The following PRKAR2A variants were observed in gnomAD, a reference collection of about 807,000 sequenced individuals.
PRKAR2A encodes the protein protein kinase cAMP-dependent type II regulatory subunit alpha.
PRKAR2A carries 29 observed loss-of-function variants against 51.9 expected under a neutral mutation model. The ratio of observed to expected loss-of-function variants is 0.56; its 90% confidence interval spans 0.42 to 0.76. PRKAR2A has a LOEUF of 0.76. Among genes scored for constraint, PRKAR2A ranks in the 30% least tolerant of loss-of-function variants. PRKAR2A has a pLI of 0.00. For synonymous variants in PRKAR2A, 178 were observed against 186.2 expected, an observed-to-expected ratio of 0.96 and a Z score of 0.36; for missense variants, 445 against 512.1, an observed-to-expected ratio of 0.87 and a Z score of 1.26.
chr3:48,757,587 T>C (rs377222222), intron 8 of PRKAR2A, among the ~76,000 whole-genome samples: 2 of 152,308 alleles, frequency 1.3e-5, no homozygotes, highest in African/African-American at 4.8e-5. Context: ...GGCTGGTAGC[T>C]AAAATAGAAA....
rs35380085 is a variant in PRKAR2A at position 48,791,285 on chromosome 3, TAAAAAAAAAAAA to T, written c.352-670_352-659del. ...CTAGCGACAGAGAGAGATTCCATCT[TAAAAAAAAAAAA>T]AAAAAAAAAAAAAAAAGGGCTGGGC... On this transcript the variant is annotated intron_variant, in intron 3 of 10. Transcript: ENST00000265563. 6.9e-5 allele frequency among the ~76,000 whole-genome samples: 3 copies of T among 43,746 alleles called. 1 individual carries two copies. Among genetic ancestry groups the T allele is most frequent in the Non-Finnish European group, 4.3e-5 (1 of 23,464 alleles). 28.7% of individuals were successfully genotyped at this position (43,746 alleles called of 152,430 possible). A position where few individuals can be genotyped will look rare whatever the true frequency, so the allele number is the denominator to read the frequency against.
chr3:48,765,204 T>G, intron 7 of PRKAR2A, 44 bp downstream of exon 7: 1 of 1,566,214 alleles, frequency 6.4e-7, no homozygotes. Flanking sequence ...TTTTAAAAGC[T>G]TTTCCTGATC....
chr3:48,836,418 CTAAAAAA>C (rs1322556315), intron 1 of PRKAR2A, among the ~76,000 whole-genome samples: 1 of 6,052 alleles, frequency 1.7e-4, no homozygotes. Flanking sequence ...GAGACTCCGT[CTAAAAAA>C]AAAAAAAAAA....
intron 6 of PRKAR2A, among the ~76,000 whole-genome samples, chr3:48,767,689 C>T (rs1167040547): frequency 6.6e-6 from 1 of 152,086 alleles, no homozygotes; most frequent in Non-Finnish European, 1.5e-5. Context: ...CTTTGGGAGG[C>T]TGAGGCGGGT....
intron 5 of PRKAR2A, among the ~76,000 whole-genome samples, chr3:48,774,942 G>A (rs900971667): frequency 2.0e-5 from 3 of 152,038 alleles, no homozygotes; most frequent in Admixed American, 1.3e-4. Flanking sequence ...TGAGTTGTAA[G>A]AAAAAACAAT....
rs1225306852 is a variant in PRKAR2A at position 48,748,077 on chromosome 3, G to A, written c.*3508C>T. ...ACCCTCTAGGGATCCTGTATGCAGT[G>A]AGGGTCTGAACTGATGATCCATATG... On this transcript the variant is annotated 3_prime_UTR_variant, in exon 11 of 11. Transcript: ENST00000265563. The A allele has an allele frequency of 2.0e-5, 3 of 151,806 alleles. No individual in the cohort carries two copies. The allele number at this position is 151,806 out of a possible 1,614,324, so 9.4% of individuals were successfully genotyped here. A position where few individuals can be genotyped will look rare whatever the true frequency, so the allele number is the denominator to read the frequency against.
intron 1 of PRKAR2A, among the ~76,000 whole-genome samples, chr3:48,818,830 C>T (rs2082913433): frequency 6.6e-6 from 1 of 152,062 alleles, no homozygotes; most frequent in Non-Finnish European, 1.5e-5. Flanking sequence ...ACAAATGACC[C>T]GAGGGCAGAC....
At chr3:48,780,536 G>A (rs2082177143) in intron 5 of PRKAR2A, among the ~76,000 whole-genome samples, 1 of 150,076 alleles carries the variant, frequency 6.7e-6, no homozygotes, top group Non-Finnish European at 1.5e-5. Flanking sequence ...CTGGGAGGCG[G>A]AGCTTGCAGT....
intron 4 of PRKAR2A, among the ~76,000 whole-genome samples, chr3:48,790,315 C>T (rs2082363791): frequency 6.6e-6 from 1 of 151,996 alleles, no homozygotes; most frequent in Non-Finnish European, 1.5e-5. Flanking sequence ...AACTGAAACC[C>T]TGGAAAGCAA....
intron 1 of PRKAR2A, among the ~76,000 whole-genome samples, chr3:48,838,313 A>G (rs927049118): frequency 2.0e-5 from 3 of 152,094 alleles, no homozygotes; most frequent in Middle Eastern, 3.2e-3. Flanking sequence ...GGTGATGACT[A>G]AAGTGTATGG....
In PRKAR2A at chr3:48,750,072, AT is replaced by A. The variant is rs869243636; in HGVS notation, c.*1512del. 9.4e-5 allele frequency: 14 copies of A among 149,404 alleles called. No individual in the cohort carries two copies. Among genetic ancestry groups the A allele is most frequent in the Middle Eastern group, 6.8e-3 (2 of 292 alleles). The allele number at this position is 149,404 out of a possible 1,614,324, so 9.3% of individuals were successfully genotyped here. A position where few individuals can be genotyped will look rare whatever the true frequency, so the allele number is the denominator to read the frequency against. ...ACCACACCTGACAAATTAAAAAAAAATTTTTTTTTTGCCAGGTGCAGTGGCT... is the reference window on the plus strand; with the variant it reads ...ACCACACCTGACAAATTAAAAAAAAATTTTTTTTTGCCAGGTGCAGTGGCT... On this transcript the variant is annotated 3_prime_UTR_variant, in exon 11 of 11. Transcript: ENST00000265563.
intron 5 of PRKAR2A, among the ~76,000 whole-genome samples, chr3:48,773,879 A>G (rs1401762458): frequency 6.6e-6 from 1 of 151,720 alleles, no homozygotes; most frequent in African/African-American, 2.4e-5. Context: ...AGGCACAATC[A>G]TGGCTCATTG....
At chr3:48,816,463 A>G (rs541858978) in intron 1 of PRKAR2A, among the ~76,000 whole-genome samples, 1 of 152,078 alleles carries the variant, frequency 6.6e-6, no homozygotes, top group South Asian at 2.1e-4. Context: ...ACATGGTGAA[A>G]CCCCATCTCT....
At chr3:48,761,129 A>C (rs2081857618) in intron 8 of PRKAR2A, among the ~76,000 whole-genome samples, 1 of 151,938 alleles carries the variant, frequency 6.6e-6, no homozygotes, top group Non-Finnish European at 1.5e-5. Context: ...AAAAACACAA[A>C]AAATTAGCCG....
chr3:48,751,478 G>A lies in PRKAR2A; in HGVS notation c.*107C>T. On this transcript the variant is annotated 3_prime_UTR_variant, in exon 11 of 11. Coordinates refer to ENST00000265563, the MANE Select transcript of PRKAR2A (RefSeq NM_004157.4). ...CCATAACCACAGCAATGGCAGCAGT[G>A]GCGGCAACGGCAGGAACAGTTCTGT... The A allele has an allele frequency of 2.0e-6, 3 of 1,513,874 alleles. No individual in the cohort carries two copies. Among genetic ancestry groups the A allele is most frequent in the East Asian group, 4.6e-5 (2 of 43,956 alleles). 93.8% of individuals were successfully genotyped at this position (1,513,874 alleles called of 1,614,324 possible). A position where few individuals can be genotyped will look rare whatever the true frequency, so the allele number is the denominator to read the frequency against.
At chr3:48,782,859 G>A in intron 5 of PRKAR2A, 127 bp downstream of exon 5, 2 of 660,884 alleles carry the variant, frequency 3.0e-6, no homozygotes, top group South Asian at 1.9e-5. Context: ...CTCTCACAAG[G>A]CTTTGGGAAG....
intron 1 of PRKAR2A, among the ~76,000 whole-genome samples, chr3:48,834,176 T>C (rs1336617125): frequency 2.0e-5 from 3 of 150,936 alleles, no homozygotes; most frequent in African/African-American, 7.3e-5. Context: ...AGAGGAAAAA[T>C]AGGCCACATA....
At chr3:48,757,705 T>C (rs1282141553) in intron 8 of PRKAR2A, among the ~76,000 whole-genome samples, 1 of 151,510 alleles carries the variant, frequency 6.6e-6, no homozygotes, top group Non-Finnish European at 1.5e-5. Context: ...GGTGGATTGC[T>C]TGAGGCCAGG....
intron 5 of PRKAR2A, among the ~76,000 whole-genome samples, chr3:48,781,065 G>A (rs2082187506): frequency 6.6e-6 from 1 of 151,928 alleles, no homozygotes; most frequent in Non-Finnish European, 1.5e-5. Context: ...CTGCCTTGTG[G>A]GTTCAAGTGA....
Sources: gnomAD v4.1 joint callset for allele counts (sites outside exome capture counted in the v4.1 genomes callset) on GRCh38, gnomAD v4.1.1 for gene constraint, MANE v1.5 for transcripts, NCBI Gene and HGNC (gene_info 2026-07-23, HGNC 2026-07-21) for gene names.